The following RYR2 variants were observed in gnomAD, a reference collection of about 807,000 sequenced individuals.
RYR2 encodes the protein ryanodine receptor 2.
RYR2 carries 227 observed loss-of-function variants against 601.1 expected under a neutral mutation model. The observed-to-expected ratio is 0.38, with a 90% confidence interval of 0.34 to 0.42. The LOEUF (loss-of-function observed/expected upper bound fraction) is 0.42. Ranked by LOEUF, RYR2 falls within the 10% of genes least tolerant of loss-of-function variation. The pLI, the probability that RYR2 is intolerant of heterozygous loss-of-function variation, is 1.00. For synonymous variants in RYR2, 2,223 were observed against 2,175.1 expected (o/e 1.02, Z -0.61); for missense variants, 4,646 against 6,156.5 (o/e 0.75, Z 8.21).
intron 53 of RYR2, among the ~76,000 whole-genome samples, chr1:237,657,540 GTTAT>G (rs1252287943): frequency 2.0e-5 from 3 of 151,738 alleles, no homozygotes; most frequent in Non-Finnish European, 4.4e-5. Flanking sequence ...CATTTACAGT[GTTAT>G]TTGTGGACCA....
intron 92 of RYR2, among the ~76,000 whole-genome samples, 181 bp downstream of exon 92, chr1:237,788,316 G>A (rs929041580): frequency 9.9e-5 from 15 of 152,068 alleles, no homozygotes; most frequent in African/African-American, 3.1e-4. Context: ...CTGGCCCACC[G>A]CTCCCTACTG....
At chr1:237,424,824 A>G (rs1218056713) in intron 12 of RYR2, among the ~76,000 whole-genome samples, 1 of 152,194 alleles carries the variant, frequency 6.6e-6, no homozygotes, top group Non-Finnish European at 1.5e-5. Flanking sequence ...ATAAACATAA[A>G]TATTTATTGA....
intron 99 of RYR2, among the ~76,000 whole-genome samples, chr1:237,807,603 C>T (rs1037788797): frequency 2.0e-5 from 3 of 152,136 alleles, no homozygotes; most frequent in African/African-American, 4.8e-5. Flanking sequence ...CTGCCTGCCT[C>T]GGCCTCCCAA....
chr1:237,802,127 A>G (rs2149420510), intron 98 of RYR2: 2 of 364,572 alleles, frequency 5.5e-6, no homozygotes, highest in South Asian at 2.3e-4. Flanking sequence ...GTAAAATGAA[A>G]ATATATGAAA....
At chr1:237,342,959 A>G (rs1697957716) in intron 3 of RYR2, among the ~76,000 whole-genome samples, 1 of 152,222 alleles carries the variant, frequency 6.6e-6, no homozygotes. Flanking sequence ...CTGTAATGCA[A>G]GCACTTTGGG....
intron 94 of RYR2, 67 bp from the exon 95 acceptor site, chr1:237,793,800 A>C (rs1658745487): frequency 7.9e-7 from 1 of 1,262,292 alleles, no homozygotes; most frequent in African/African-American, 1.5e-5. Flanking sequence ...TGTTTTGTAA[A>C]GATAGTGACC....
chr1:237,704,965 C>T (rs981211221), intron 66 of RYR2, among the ~76,000 whole-genome samples: 8 of 151,898 alleles, frequency 5.3e-5, no homozygotes, highest in Non-Finnish European at 1.2e-4. Context: ...AAGGACTAGT[C>T]CAATCAGATA....
At chr1:237,564,284 T>A (rs1310006928) in intron 27 of RYR2, among the ~76,000 whole-genome samples, 2 of 152,172 alleles carry the variant, frequency 1.3e-5, no homozygotes, top group African/African-American at 4.8e-5. Context: ...TTCTTTCTTT[T>A]TTTAAACACA....
intron 1 of RYR2, among the ~76,000 whole-genome samples, chr1:237,054,576 G>A (rs1467434742): frequency 6.6e-6 from 1 of 152,090 alleles, no homozygotes; most frequent in East Asian, 1.9e-4. Flanking sequence ...TACCGAGTGG[G>A]TTTATTCTTC....
intron 1 of RYR2, among the ~76,000 whole-genome samples, chr1:237,245,666 C>G (rs2149251901): frequency 1.3e-5 from 2 of 152,270 alleles, no homozygotes; most frequent in South Asian, 4.1e-4. Context: ...GATTTATAGA[C>G]TAATTTTGAT....
chr1:237,829,335 CTT>C (rs1184500845), intron 102 of RYR2, among the ~76,000 whole-genome samples: 1 of 152,180 alleles, frequency 6.6e-6, no homozygotes, highest in Non-Finnish European at 1.5e-5. Flanking sequence ...GATTCTGAAG[CTT>C]TTGCTAGAGG....
intron 12 of RYR2, among the ~76,000 whole-genome samples, chr1:237,429,223 A>G (rs536235403): frequency 6.6e-6 from 1 of 152,272 alleles, no homozygotes; most frequent in South Asian, 2.1e-4. Context: ...CATTCTCTCT[A>G]GTTGATCTCA....
chr1:237,300,806 G>C (rs189862196), intron 2 of RYR2, among the ~76,000 whole-genome samples: 4 of 152,034 alleles, frequency 2.6e-5, no homozygotes, highest in Admixed American at 2.6e-4. Flanking sequence ...GTTTGCTAGG[G>C]GATTCCAATC....
intron 17 of RYR2, among the ~76,000 whole-genome samples, chr1:237,480,378 CAAAA>C (rs61271895): frequency 3.5e-5 from 2 of 57,694 alleles, no homozygotes; most frequent in South Asian, 6.2e-4. Flanking sequence ...AAGATCATCT[CAAAA>C]AAAAAAAAAA....
intron 2 of RYR2, among the ~76,000 whole-genome samples, chr1:237,282,569 T>G (rs1226132078): frequency 6.6e-6 from 1 of 152,170 alleles, no homozygotes; most frequent in Non-Finnish European, 1.5e-5. Flanking sequence ...AGAGATATGA[T>G]AGAGGCAAAG....
chr1:237,791,800 G>T, intron 93 of RYR2: 1 of 555,566 alleles, frequency 1.8e-6, no homozygotes, highest in East Asian at 2.9e-5. Flanking sequence ...CTATGCCTGG[G>T]TGTGGCATAC....
At position 237,456,728 on chromosome 1, in the gene RYR2, G is replaced by A. The variant is rs2150229955; in HGVS notation, c.1605G>A (p.Glu535=). The change falls in exon 16 of 105, where the codon GAG becomes GAA. Residue 535 remains glutamate (E), a synonymous_variant. Coordinates refer to ENST00000366574, the MANE Select transcript of RYR2 (RefSeq NM_001035.3). ...AATCCATTCTGAATTCTCTGTATGA[G>A]TTGCTGGGTAAGAAGCATGATTGGG... ...SWKSILNSLY[E]LLAALIRGNR... 1.9e-6 allele frequency: 3 copies of A among 1,613,426 alleles called. No individual in the cohort carries two copies. Among genetic ancestry groups the A allele is most frequent in the Admixed American group, 1.7e-5 (1 of 59,956 alleles).
chr1:237,449,656 C>T (rs1290895154), intron 14 of RYR2, among the ~76,000 whole-genome samples: 1 of 151,698 alleles, frequency 6.6e-6, no homozygotes, highest in Non-Finnish European at 1.5e-5. Flanking sequence ...TCATGCAAGT[C>T]TGCTGGAGAT....
Position 237,107,340 on chromosome 1 carries a change from T to C in RYR2, c.48+64771T>C, listed in dbSNP as rs1668812142. ...ATCGAGACCATCCTGGCTAACACGG[T>C]GAAACCCCGTCTCTACTAAAAATAC... On this transcript the variant is annotated intron_variant, in intron 1 of 104. Coordinates refer to ENST00000366574, the MANE Select transcript of RYR2 (RefSeq NM_001035.3). Among the ~76,000 whole-genome samples the C allele has an allele frequency of 2.0e-5, 3 of 150,842 alleles. No homozygotes were observed. The South Asian group carries it at 6.4e-4, about 32-fold the overall frequency.
Sources: gnomAD v4.1 joint callset for allele counts (sites outside exome capture counted in the v4.1 genomes callset) on GRCh38, gnomAD v4.1.1 for gene constraint, MANE v1.5 for transcripts, NCBI Gene and HGNC (gene_info 2026-07-23, HGNC 2026-07-21) for gene names.